The following DAB1 variants were observed in gnomAD, a reference collection of about 807,000 sequenced individuals.
DAB1 encodes disabled homolog 1.
A neutral mutation model predicts 64.6 loss-of-function variants in DAB1; 15 were observed. That is an observed-to-expected ratio of 0.23 (90% confidence interval 0.16 to 0.36). DAB1 has a LOEUF of 0.36. Among genes scored for constraint, DAB1 ranks in the 10% least tolerant of loss-of-function variants. The pLI is 1.00. For missense variants in DAB1, 596 were observed against 706.7 expected, an observed-to-expected ratio of 0.84 and a Z score of 1.78; for synonymous variants, 235 against 251.9, an observed-to-expected ratio of 0.93 and a Z score of 0.64.
intron 7 of DAB1, among the ~76,000 whole-genome samples, chr1:57,496,010 G>A (rs573749690): frequency 5.3e-5 from 8 of 152,288 alleles, no homozygotes; most frequent in Admixed American, 2.0e-4. Flanking sequence ...ATAGATGAAT[G>A]ACCAGATATA....
intron 1 of DAB1, among the ~76,000 whole-genome samples, chr1:57,319,531 A>C (rs1675515317): frequency 6.6e-6 from 1 of 152,080 alleles, no homozygotes; most frequent in Non-Finnish European, 1.5e-5. Context: ...TCTTAACACA[A>C]AACACCCCCT....
At chr1:57,840,388 T>C (rs1652995658) in intron 1 of DAB1, among the ~76,000 whole-genome samples, 1 of 152,172 alleles carries the variant, frequency 6.6e-6, no homozygotes, top group Non-Finnish European at 1.5e-5. Context: ...GAGATCAGCA[T>C]ATCCAAAGGC....
At chr1:57,952,532 GT>G (rs1292371661) in intron 5 of DAB1, among the ~76,000 whole-genome samples, 4 of 152,078 alleles carry the variant, frequency 2.6e-5, no homozygotes, top group South Asian at 2.1e-4. Flanking sequence ...AAAGGAATGG[GT>G]CTGAGTGGAA....
Position 57,500,114 on chromosome 1 carries a change from G to C in DAB1, n.625+149478C>G, listed in dbSNP as rs1570576022. Among the ~76,000 whole-genome samples the C allele has an allele frequency of 2.0e-5, 3 of 152,358 alleles. 1 individual carries two copies. The Middle Eastern group carries it at 0.01, about 518-fold the overall frequency. ...ATAGTTTGCTTCGCAAAATAGAACA[G>C]AGTGAGCTGAAAACCAGACTAAGTT... On this transcript the variant is annotated intron_variant and non_coding_transcript_variant, in intron 7 of 20. Coordinates refer to the DAB1 transcript ENST00000485760.
intron 7 of DAB1, among the ~76,000 whole-genome samples, chr1:57,496,060 T>C (rs148923770): frequency 6.6e-6 from 1 of 152,370 alleles, no homozygotes; most frequent in East Asian, 1.9e-4. Flanking sequence ...CTCTGGGTTG[T>C]ACGTGTTTCT....
intron 5 of DAB1, among the ~76,000 whole-genome samples, chr1:58,037,251 A>G (rs1222360904): frequency 6.6e-6 from 1 of 152,142 alleles, no homozygotes; most frequent in Non-Finnish European, 1.5e-5. Flanking sequence ...TTAGAGGCAG[A>G]CCTTAACCAA....
intron 4 of DAB1, among the ~76,000 whole-genome samples, chr1:57,102,060 G>C (rs1228438570): frequency 1.3e-5 from 2 of 152,136 alleles, no homozygotes; most frequent in Non-Finnish European, 2.9e-5. Flanking sequence ...CTCTCAATGA[G>C]CTTGCAATCT....
At chr1:58,492,169 G>A (rs1428068331) in intron 3 of DAB1, among the ~76,000 whole-genome samples, 1 of 152,078 alleles carries the variant, frequency 6.6e-6, no homozygotes, top group Non-Finnish European at 1.5e-5. Flanking sequence ...TGACTACTGG[G>A]TACATAACGA....
chr1:57,590,382 C>T (rs927438578), intron 7 of DAB1, among the ~76,000 whole-genome samples: 19 of 151,722 alleles, frequency 1.3e-4, no homozygotes, highest in African/African-American at 3.2e-4. Context: ...TGCAGTGGTG[C>T]GATCTTGGCT....
chr1:57,551,934 G>C (rs1386048841), intron 7 of DAB1, among the ~76,000 whole-genome samples: 1 of 152,174 alleles, frequency 6.6e-6, no homozygotes, highest in Non-Finnish European at 1.5e-5. Context: ...TGCAATGAAT[G>C]ACTTCCCCTA....
chr1:57,181,231 C>G (rs1032002851), intron 2 of DAB1, among the ~76,000 whole-genome samples: 1 of 151,810 alleles, frequency 6.6e-6, no homozygotes, highest in African/African-American at 2.4e-5. Context: ...AATAAAATGT[C>G]CCACAGTCCA....
intron 4 of DAB1, among the ~76,000 whole-genome samples, chr1:57,104,331 T>C (rs2100700906): frequency 6.6e-6 from 1 of 151,738 alleles, no homozygotes; most frequent in Middle Eastern, 3.4e-3. Context: ...TCTTGGTTGA[T>C]GATGAATTGG....
intron 6 of DAB1, among the ~76,000 whole-genome samples, chr1:57,722,727 T>A (rs1397760588): frequency 6.6e-6 from 1 of 152,190 alleles, no homozygotes; most frequent in East Asian, 1.9e-4. Context: ...ACGTGACTGA[T>A]GGGCAAGAAA....
intron 7 of DAB1, among the ~76,000 whole-genome samples, chr1:57,514,456 T>C: frequency 6.6e-6 from 1 of 152,224 alleles, no homozygotes; most frequent in East Asian, 1.9e-4. Context: ...TTTGATATTG[T>C]TTTTGTTTAT....
chr1:57,278,548 T>C (rs2100618261), intron 2 of DAB1, among the ~76,000 whole-genome samples: 1 of 152,260 alleles, frequency 6.6e-6, no homozygotes, highest in African/African-American at 2.4e-5. Flanking sequence ...AACAGTACAC[T>C]GAGAATCACA....
At chr1:57,707,114 G>C (rs1646977071) in intron 6 of DAB1, among the ~76,000 whole-genome samples, 1 of 151,760 alleles carries the variant, frequency 6.6e-6, no homozygotes, top group Admixed American at 6.6e-5. Context: ...CCAAAAAACA[G>C]ATATATTCTA....
intron 6 of DAB1, among the ~76,000 whole-genome samples, chr1:57,708,146 G>T (rs575679766): frequency 4.2e-4 from 64 of 152,310 alleles, no homozygotes; most frequent in African/African-American, 1.5e-3. Context: ...TGATGTTTTT[G>T]CAAGGCCCAA....
chr1:58,342,413 G>A (rs1441068264), intron 4 of DAB1, among the ~76,000 whole-genome samples: 1 of 152,162 alleles, frequency 6.6e-6, no homozygotes, highest in Non-Finnish European at 1.5e-5. Context: ...CCCGTGGGCT[G>A]CAGTGATCAG....
chr1:58,454,243 A>C (rs1253833749), intron 3 of DAB1, among the ~76,000 whole-genome samples: 1 of 152,102 alleles, frequency 6.6e-6, no homozygotes, highest in Non-Finnish European at 1.5e-5. Flanking sequence ...TTGCCTCTGG[A>C]ATTAACTCAC....
Sources: gnomAD v4.1 joint callset for allele counts (sites outside exome capture counted in the v4.1 genomes callset) on GRCh38, gnomAD v4.1.1 for gene constraint, MANE v1.5 for transcripts, NCBI Gene and HGNC (gene_info 2026-07-23, HGNC 2026-07-21) for gene names.